Variants in ASTN2 observed in about 807,000 individuals in gnomAD.
ASTN2 encodes astrotactin 2, also known as astrotactin-2.
Under a neutral mutation model 139.8 loss-of-function variants are expected in ASTN2, and 54 were observed. The ratio of observed to expected loss-of-function variants is 0.39; its 90% CI spans 0.31 to 0.48. The LOEUF is 0.48. ASTN2 is among the 20% of genes least tolerant of loss of function. ASTN2 has a pLI of 0.95. For missense variants in ASTN2, 1,565 were observed against 1,725.1 expected (o/e 0.91, Z 1.64); for synonymous variants, 756 against 719.5 (o/e 1.05, Z -0.81).
chr9:116,802,638 C>T (rs1193460804), intron 13 of ASTN2, among the ~76,000 whole-genome samples: 2 of 152,190 alleles, frequency 1.3e-5, no homozygotes, highest in Non-Finnish European at 2.9e-5. Context: ...GCTCAATTAT[C>T]AAATGCCAGC....
At chr9:116,498,990 C>G (rs2119129113) in intron 19 of ASTN2, among the ~76,000 whole-genome samples, 1 of 152,244 alleles carries the variant, frequency 6.6e-6, no homozygotes, top group South Asian at 2.1e-4. Flanking sequence ...ATAACTCTTC[C>G]CTAGTTCTCT....
At chr9:116,918,216 C>T (rs574675641) in intron 10 of ASTN2, among the ~76,000 whole-genome samples, 1 of 152,270 alleles carries the variant, frequency 6.6e-6, no homozygotes, top group East Asian at 1.9e-4. Flanking sequence ...TGGACTGATA[C>T]AGTACCCCAT....
chr9:117,289,534 G>A (rs1379291593), intron 2 of ASTN2, among the ~76,000 whole-genome samples: 1 of 152,176 alleles, frequency 6.6e-6, no homozygotes, highest in East Asian at 1.9e-4. Context: ...CAGGTTACTG[G>A]GTTACAAGAA....
At chr9:117,354,798 T>C (rs1232438023) in intron 1 of ASTN2, among the ~76,000 whole-genome samples, 1 of 152,124 alleles carries the variant, frequency 6.6e-6, no homozygotes, top group African/African-American at 2.4e-5. Context: ...TAGAACCTAC[T>C]CCACAGTGAG....
chr9:117,367,002 T>C (rs1829862694), intron 1 of ASTN2, among the ~76,000 whole-genome samples: 1 of 152,186 alleles, frequency 6.6e-6, no homozygotes, highest in African/African-American at 2.4e-5. Context: ...CTTGAACTCC[T>C]GACCTTGTGA....
chr9:116,491,272 G>A (rs996985883), intron 19 of ASTN2, among the ~76,000 whole-genome samples: 6 of 152,198 alleles, frequency 3.9e-5, no homozygotes, highest in African/African-American at 1.4e-4. Flanking sequence ...AATCCTCACA[G>A]CAATCTAACA....
intron 19 of ASTN2, among the ~76,000 whole-genome samples, chr9:116,532,308 G>C (rs1333655962): frequency 1.3e-5 from 2 of 152,136 alleles, no homozygotes; most frequent in East Asian, 3.8e-4. Flanking sequence ...CCATTCTGTA[G>C]GTTGCTTGTT....
chr9:117,367,354 T>A (rs1829871387), intron 1 of ASTN2, among the ~76,000 whole-genome samples: 1 of 152,226 alleles, frequency 6.6e-6, no homozygotes, highest in African/African-American at 2.4e-5. Context: ...GAGCATGAGC[T>A]ATGGAGCAAC....
At chr9:116,648,411 C>A (rs1329684906) in intron 17 of ASTN2, among the ~76,000 whole-genome samples, 5 of 152,086 alleles carry the variant, frequency 3.3e-5, no homozygotes, top group African/African-American at 1.2e-4. Context: ...GGATTACAGG[C>A]GTGAACCACT....
At chr9:117,040,498 G>A (rs545514847) in intron 5 of ASTN2, among the ~76,000 whole-genome samples, 42 of 152,078 alleles carry the variant, frequency 2.8e-4, no homozygotes, top group South Asian at 1.7e-3. Flanking sequence ...TCGCTTTGTC[G>A]CCCAGGCTAG....
At position 117,179,132 on chromosome 9, in the gene ASTN2, A is replaced by G. The variant is rs192171936; in HGVS notation, c.1015+35226T>C. Among the ~76,000 whole-genome samples the G allele has an allele frequency of 4.4e-4, 67 of 152,292 alleles. No homozygotes were observed. The Middle Eastern group carries it at 0.01, about 23-fold the overall frequency. On this transcript the variant is annotated intron_variant, in intron 3 of 22. Coordinates refer to ENST00000313400, the MANE Select transcript of ASTN2 (RefSeq NM_001365068.1). Reference sequence around the variant, plus strand: ...AGCCAATATGTATTGAAGGCTTACTATGTGCCAGGAAATATCCCATGTGCT... The same window carrying G: ...AGCCAATATGTATTGAAGGCTTACTGTGTGCCAGGAAATATCCCATGTGCT...
chr9:117,147,842 A>G (rs1236022860), intron 3 of ASTN2, among the ~76,000 whole-genome samples: 1 of 152,162 alleles, frequency 6.6e-6, no homozygotes. Flanking sequence ...CTCTGGCCTT[A>G]TCTGTTGCTG....
At chr9:116,542,816 G>C (rs1299853510) in intron 19 of ASTN2, among the ~76,000 whole-genome samples, 1 of 151,798 alleles carries the variant, frequency 6.6e-6, no homozygotes, top group Non-Finnish European at 1.5e-5. Context: ...GCTACTTGAG[G>C]GGCTGAGGCA....
chr9:116,946,936 C>CAAAAAAAAAAAAAAAAA (rs3983292), intron 10 of ASTN2, among the ~76,000 whole-genome samples: 3 of 127,930 alleles, frequency 2.3e-5, no homozygotes, highest in African/African-American at 9.2e-5. Context: ...ACATTTTTGT[C>CAAAAAAAAAAAAAAAAA]AAAAAAAAAA....
chr9:116,747,530 G>T (rs1325043889), intron 13 of ASTN2, among the ~76,000 whole-genome samples: 1 of 152,112 alleles, frequency 6.6e-6, no homozygotes, highest in Non-Finnish European at 1.5e-5. Flanking sequence ...TGCCAGAGGT[G>T]GGGGAACTGG....
At chr9:116,652,189 G>C (rs1857956443) in intron 16 of ASTN2, among the ~76,000 whole-genome samples, 1 of 152,012 alleles carries the variant, frequency 6.6e-6, no homozygotes, top group African/African-American at 2.4e-5. Context: ...AGCCAAGCGT[G>C]GGGTTATGTA....
At chr9:116,975,420 C>T (rs1190822836) in intron 9 of ASTN2, 75 bp from the exon 10 acceptor site, 3 of 1,446,516 alleles carry the variant, frequency 2.1e-6, no homozygotes, top group African/African-American at 1.4e-5. Flanking sequence ...CCCCTGTTCC[C>T]ATCCCTTCTA....
rs1415589237 is a variant in ASTN2 at position 117,398,778 on chromosome 9, A to T, written c.442+15719T>A. On this transcript the variant is annotated intron_variant, in intron 1 of 22. Transcript: ENST00000313400. Reference sequence around the variant, plus strand: ...CATTAATGTGTTACAACAACCTTGTATTCTTTCTGTTAATATTTTTTGAGA... The same window carrying T: ...CATTAATGTGTTACAACAACCTTGTTTTCTTTCTGTTAATATTTTTTGAGA... Among the ~76,000 whole-genome samples, 5 of 152,134 alleles carry T rather than the reference A, an allele frequency of 3.3e-5. No individual in the cohort carries two copies. In the East Asian group the frequency reaches 9.7e-4, roughly 29 times the overall value.
At chr9:117,171,619 G>A (rs562262647) in intron 3 of ASTN2, among the ~76,000 whole-genome samples, 8 of 152,160 alleles carry the variant, frequency 5.3e-5, no homozygotes, top group South Asian at 4.2e-4. Context: ...TGCTGTTCTC[G>A]TGATAGTGAG....
Sources: allele counts gnomAD v4.1 joint callset (sites outside exome capture counted in the v4.1 genomes callset), GRCh38; gene constraint gnomAD v4.1.1; transcripts MANE v1.5; gene names NCBI Gene and HGNC (gene_info 2026-07-23, HGNC 2026-07-21).